The following PIGF variants were observed in gnomAD, a reference collection of about 807,000 sequenced individuals.
PIGF encodes GPI ethanolamine phosphate transferase, stabilizing subunit.
In PIGF, 23 loss-of-function variants were observed where a neutral mutation model predicts 26.0. That is an observed-to-expected ratio of 0.88 (90% CI 0.64 to 1.25). The LOEUF is 1.25. Ranked by LOEUF, PIGF falls within the 50% of genes most tolerant of loss-of-function variation. The pLI is 0.00. For synonymous variants in PIGF, 93 were observed against 92.6 expected (o/e 1.00, Z -0.03); for missense variants, 278 against 249.9 (o/e 1.11, Z -0.76).
chr2:46,584,774 T>A (rs1250300820), intron 5 of PIGF, among the ~76,000 whole-genome samples: 1 of 152,176 alleles, frequency 6.6e-6, no homozygotes, highest in Non-Finnish European at 1.5e-5. Context: ...GTCATTTTTT[T>A]AAAAGAGAAT....
intron 4 of PIGF, among the ~76,000 whole-genome samples, chr2:46,594,374 C>T (rs1050640588): frequency 1.1e-4 from 16 of 152,080 alleles, no homozygotes; most frequent in African/African-American, 3.9e-4. Context: ...TTTTATGGAA[C>T]AGGAGGAAGT....
chr2:46,604,084 T>C (rs1026808434), intron 4 of PIGF, among the ~76,000 whole-genome samples: 12 of 151,934 alleles, frequency 7.9e-5, no homozygotes, highest in African/African-American at 2.9e-4. Flanking sequence ...AAAAAAGACA[T>C]ACAAGTGGTA....
At chr2:46,593,570 T>C (rs1669789133) in intron 4 of PIGF, among the ~76,000 whole-genome samples, 1 of 152,200 alleles carries the variant, frequency 6.6e-6, no homozygotes, top group Admixed American at 6.5e-5. Context: ...TAAGTGCACA[T>C]CTGAGAGTGT....
At chr2:46,606,773 G>A (rs1168522633) in intron 4 of PIGF, among the ~76,000 whole-genome samples, 1 of 152,082 alleles carries the variant, frequency 6.6e-6, no homozygotes, top group East Asian at 1.9e-4. Context: ...AAACACATAT[G>A]TCCATAAAAA....
chr2:46,605,134 T>C (rs1392868394), intron 4 of PIGF, among the ~76,000 whole-genome samples: 2 of 152,132 alleles, frequency 1.3e-5, no homozygotes, highest in Admixed American at 6.5e-5. Context: ...CTTTGAGTTT[T>C]TAAATATTTT....
intron 5 of PIGF, among the ~76,000 whole-genome samples, chr2:46,584,831 T>A (rs946686267): frequency 1.3e-5 from 2 of 152,148 alleles, no homozygotes; most frequent in Non-Finnish European, 2.9e-5. Context: ...AAATAGATTA[T>A]CAAAATAGGG....
chr2:46,603,755 TA>T (rs1261851739), intron 4 of PIGF, among the ~76,000 whole-genome samples: 1 of 151,998 alleles, frequency 6.6e-6, no homozygotes, highest in African/African-American at 2.4e-5. Flanking sequence ...ATGAAACTAC[TA>T]AAAGGAAACA....
chr2:46,586,727 A>G (rs1669583594), intron 5 of PIGF, among the ~76,000 whole-genome samples: 1 of 152,240 alleles, frequency 6.6e-6, no homozygotes, highest in Admixed American at 6.5e-5. Flanking sequence ...GGTTATAAAT[A>G]ATCATTTATA....
intron 4 of PIGF, among the ~76,000 whole-genome samples, chr2:46,611,057 C>G (rs1282857480): frequency 6.6e-6 from 1 of 152,146 alleles, no homozygotes; most frequent in Non-Finnish European, 1.5e-5. Context: ...TAGATCATTC[C>G]CATCTCCCCC....
chr2:46,594,106 A>G (rs1263137935), intron 4 of PIGF, among the ~76,000 whole-genome samples: 4 of 152,242 alleles, frequency 2.6e-5, no homozygotes, highest in East Asian at 1.9e-4. Flanking sequence ...CTAGCATTCA[A>G]TAGAACAGAG....
chr2:46,586,054 G>A (rs1166233091), intron 5 of PIGF, among the ~76,000 whole-genome samples: 3 of 152,150 alleles, frequency 2.0e-5, no homozygotes, highest in African/African-American at 4.8e-5. Flanking sequence ...GATTACAGGC[G>A]TGAGCCACCG....
chr2:46,612,173 C>G (rs1172089735), intron 4 of PIGF, 55 bp downstream of exon 4: 2 of 554,606 alleles, frequency 3.6e-6, no homozygotes, highest in Non-Finnish European at 3.0e-6. Context: ...TAGAAAAATA[C>G]TTCATTAATT....
chr2:46,585,692 C>T (rs1045352786), intron 5 of PIGF, among the ~76,000 whole-genome samples: 2 of 152,182 alleles, frequency 1.3e-5, no homozygotes, highest in East Asian at 1.9e-4. Context: ...TAAGTAGAAC[C>T]GGCAGTTTAG....
At chr2:46,613,891 G>T in intron 2 of PIGF, 106 bp from the exon 3 acceptor site, 1 of 924,250 alleles carries the variant, frequency 1.1e-6, no homozygotes, top group South Asian at 1.6e-5. Flanking sequence ...GTGTAAAACA[G>T]TTCAAATGTT....
intron 4 of PIGF, among the ~76,000 whole-genome samples, chr2:46,608,498 C>G (rs973398430): frequency 6.6e-6 from 1 of 152,184 alleles, no homozygotes; most frequent in Admixed American, 6.5e-5. Flanking sequence ...CACAAATGTC[C>G]TCAATGGCAT....
At chr2:46,614,474 A>G (rs952930264) in intron 2 of PIGF, 8 of 156,612 alleles carry the variant, frequency 5.1e-5, no homozygotes, top group African/African-American at 1.9e-4. Flanking sequence ...AATATTCTGG[A>G]AAATTGATTC....
intron 4 of PIGF, among the ~76,000 whole-genome samples, chr2:46,598,529 ATTTTTT>A (rs747263045): frequency 1.4e-4 from 15 of 103,510 alleles, no homozygotes; most frequent in South Asian, 7.0e-4. Context: ...ACATTATGAG[ATTTTTT>A]TTTTTTTTTT....
chr2:46,614,990 A>C lies in PIGF; in HGVS notation c.175T>G (p.Tyr59Asp). ...GFVTAVNLVL[Y>D]LVVKPNTSSK... ...GATGTATTTGGTTTCACTACTAAAT[A>C]TAGTACTAGATTGACAGCAGTTACA... is the stretch of plus-strand genomic sequence containing the variant. The change falls in exon 2 of 6, where the codon TAT becomes GAT. Residue 59 changes from tyrosine to aspartate, a missense_variant. Transcript: ENST00000281382. 1 of 1,604,204 alleles carries C rather than the reference A, an allele frequency of 6.2e-7. No individual in the cohort carries two copies. Among genetic ancestry groups the C allele is most frequent in the African/African-American group, 1.3e-5 (1 of 74,840 alleles).
rs1669752343 is a variant in PIGF, at chr2:46,592,520, C to T, written c.501G>A (p.Trp167Ter). 1 of 1,611,394 alleles carries T rather than the reference C, an allele frequency of 6.2e-7. No individual in the cohort carries two copies. The highest frequency in any genetic ancestry group is 8.5e-7 in the Non-Finnish European group (1 of 1,177,490). ...CCAGTGGAATAGGAAGTGCTCCAAG[C>T]CATGCTCCTACAAAGCTAGAAATTG... ...ITTISSFVGA[W>*]LGALPIPLDW... Residue 167 changes from tryptophan to a stop codon, truncating the protein, a stop_gained, in exon 5 of 6, where the codon TGG becomes TGA. Transcript: ENST00000281382. LOFTEE classifies it high-confidence loss of function.
Sources: allele counts gnomAD v4.1 joint callset (sites outside exome capture counted in the v4.1 genomes callset), GRCh38; gene constraint gnomAD v4.1.1; transcripts MANE v1.5; gene names NCBI Gene and HGNC (gene_info 2026-07-23, HGNC 2026-07-21).